DOCK3: variants seen among roughly 807,000 people sequenced by gnomAD.
The protein encoded by DOCK3 is dedicator of cytokinesis 3.
Under a neutral mutation model 265.6 loss-of-function variants are expected in DOCK3, and 60 were observed. The ratio of observed to expected loss-of-function variants is 0.23; its 90% CI spans 0.18 to 0.28. The LOEUF (loss-of-function observed/expected upper bound fraction) is 0.28, where lower values mean the gene tolerates loss of function less well. Ranked by LOEUF, DOCK3 falls within the 10% of genes least tolerant of loss-of-function variation. DOCK3 has a pLI of 1.00. For synonymous variants in DOCK3, 881 were observed against 938.0 expected (o/e 0.94, Z 1.11); for missense variants, 1,981 against 2,594.3 (o/e 0.76, Z 5.14).
At chr3:51,267,353 A>G (rs1423020976) in intron 23 of DOCK3, among the ~76,000 whole-genome samples, 2 of 152,000 alleles carry the variant, frequency 1.3e-5, no homozygotes, top group Non-Finnish European at 2.9e-5. Flanking sequence ...TTCTACTATA[A>G]AGACACATGC....
chr3:51,305,355 T>C (rs1362915200), intron 27 of DOCK3, among the ~76,000 whole-genome samples: 1 of 152,224 alleles, frequency 6.6e-6, no homozygotes, highest in Non-Finnish European at 1.5e-5. Flanking sequence ...GTCTATATTG[T>C]CTGATGTTAA....
At chr3:51,266,282 C>A (rs1199073575) in intron 23 of DOCK3, among the ~76,000 whole-genome samples, 2 of 152,076 alleles carry the variant, frequency 1.3e-5, no homozygotes, top group African/African-American at 2.4e-5. Flanking sequence ...CAATGCCATC[C>A]CCATCAAGCT....
At chr3:50,920,873 C>T (rs2050416155) in intron 4 of DOCK3, among the ~76,000 whole-genome samples, 3 of 152,268 alleles carry the variant, frequency 2.0e-5, no homozygotes, top group Admixed American at 6.5e-5. Flanking sequence ...CCTGCTTTCT[C>T]TTGTGGGCAT....
At chr3:50,766,721 CA>C (rs2040904222) in intron 1 of DOCK3, among the ~76,000 whole-genome samples, 1 of 152,106 alleles carries the variant, frequency 6.6e-6, no homozygotes, top group Non-Finnish European at 1.5e-5. Flanking sequence ...ATGGTTGAAC[CA>C]GTTTACAGTC....
chr3:50,877,830 C>T (rs1287364681), intron 3 of DOCK3, among the ~76,000 whole-genome samples: 2 of 152,106 alleles, frequency 1.3e-5, no homozygotes, highest in Admixed American at 6.6e-5. Flanking sequence ...TGCACCACCA[C>T]GCCTGGCTAA....
At chr3:50,714,837 CTT>C (rs973952516) in intron 1 of DOCK3, among the ~76,000 whole-genome samples, 26 of 152,184 alleles carry the variant, frequency 1.7e-4, no homozygotes, top group African/African-American at 6.3e-4. Flanking sequence ...CCTTTTGGCT[CTT>C]TGCACATGCT....
chr3:51,282,680 GAA>G (rs2081194640), intron 27 of DOCK3, among the ~76,000 whole-genome samples: 3 of 51,446 alleles, frequency 5.8e-5, no homozygotes, highest in Non-Finnish European at 1.7e-4. Context: ...GAAAAGAAAA[GAA>G]AAAAGAAAAA....
chr3:50,891,097 C>G (rs1170534137), intron 4 of DOCK3, among the ~76,000 whole-genome samples: 1 of 151,932 alleles, frequency 6.6e-6, no homozygotes, highest in Non-Finnish European at 1.5e-5. Context: ...ATGCCAAAAG[C>G]AACTGGAGGC....
chr3:50,949,547 TTTTAAG>T (rs1253106432), intron 5 of DOCK3, among the ~76,000 whole-genome samples: 8 of 152,196 alleles, frequency 5.3e-5, no homozygotes, highest in African/African-American at 1.9e-4. Context: ...TTGTAATCAG[TTTTAAG>T]TTTGTGATTA....
At chr3:50,846,652 A>G (rs2046098047) in intron 3 of DOCK3, among the ~76,000 whole-genome samples, 1 of 152,050 alleles carries the variant, frequency 6.6e-6, no homozygotes, top group Admixed American at 6.5e-5. Context: ...GCTTTGGTTG[A>G]TAGGTTTTTT....
intron 35 of DOCK3, chr3:51,336,764 G>A (rs1249120645): frequency 2.4e-6 from 1 of 419,532 alleles, no homozygotes; most frequent in Non-Finnish European, 4.8e-6. Flanking sequence ...ACAGTGTTGA[G>A]GCCAGTTCCT....
intron 5 of DOCK3, among the ~76,000 whole-genome samples, chr3:50,966,455 A>G (rs1443930234): frequency 7.0e-6 from 1 of 142,864 alleles, no homozygotes; most frequent in Admixed American, 6.9e-5. Flanking sequence ...TCTTTTCTCT[A>G]CAACTTCATC....
chr3:50,830,211 A>T (rs1362325925), intron 2 of DOCK3, among the ~76,000 whole-genome samples: 2 of 152,216 alleles, frequency 1.3e-5, no homozygotes, highest in Non-Finnish European at 2.9e-5. Flanking sequence ...AAGTGAAAAA[A>T]ATCAGTATTT....
intron 1 of DOCK3, chr3:50,719,780 G>T: frequency 1.1e-6 from 1 of 890,952 alleles, no homozygotes; most frequent in Non-Finnish European, 1.9e-6. Flanking sequence ...GGTGTGTGAA[G>T]TCACTACCCT....
At chr3:50,929,162 GTGTT>G (rs1422535024) in intron 4 of DOCK3, among the ~76,000 whole-genome samples, 1 of 152,152 alleles carries the variant, frequency 6.6e-6, no homozygotes, top group East Asian at 1.9e-4. Context: ...GAGTCTTCAT[GTGTT>G]GCAGAATTTG....
At chr3:51,258,834 T>C (rs900138442) in intron 22 of DOCK3, among the ~76,000 whole-genome samples, 2 of 152,184 alleles carry the variant, frequency 1.3e-5, no homozygotes, top group African/African-American at 4.8e-5. Flanking sequence ...TACCTAGCCA[T>C]TTAGTTTGGA....
chr3:50,904,708 T>C lies in DOCK3; in HGVS notation c.218+14627T>C, dbSNP rs200088228. 8.7e-4 allele frequency among the ~76,000 whole-genome samples: 132 copies of C among 151,746 alleles called. 1 individual carries two copies. The highest frequency in any genetic ancestry group is 3.4e-3 in the Middle Eastern group (1 of 294). ...CAGATGAGTAGATTGCAAAAATTTT[T>C]TCCCATTCTGTAGGTTGCCTGTTCA... On this transcript the variant is annotated intron_variant, in intron 4 of 52. Coordinates refer to ENST00000266037, the MANE Select transcript of DOCK3 (RefSeq NM_004947.5).
At chr3:51,022,687 G>A (rs548858331) in intron 5 of DOCK3, among the ~76,000 whole-genome samples, 10 of 152,224 alleles carry the variant, frequency 6.6e-5, no homozygotes, top group African/African-American at 2.2e-4. Context: ...TCTGTTGATT[G>A]TTTCTTTTGC....
intron 1 of DOCK3, among the ~76,000 whole-genome samples, chr3:50,753,331 C>T (rs1454783042): frequency 6.6e-6 from 1 of 152,030 alleles, no homozygotes; most frequent in Non-Finnish European, 1.5e-5. Flanking sequence ...ATACTGGTGT[C>T]ACTCCATAGG....
Sources: allele counts gnomAD v4.1 joint callset (sites outside exome capture counted in the v4.1 genomes callset), GRCh38; gene constraint gnomAD v4.1.1; transcripts MANE v1.5; gene names NCBI Gene and HGNC (gene_info 2026-07-23, HGNC 2026-07-21).